Variants in FRMD3 observed in about 807,000 individuals in gnomAD.
FRMD3 encodes FERM domain-containing protein 3.
FRMD3 carries 33 observed loss-of-function variants against 70.2 expected under a neutral mutation model. The observed-to-expected ratio is 0.47, with a 90% CI of 0.36 to 0.63. FRMD3 has a LOEUF of 0.63. Ranked by LOEUF, FRMD3 falls within the 20% of genes least tolerant of loss-of-function variation. The probability of loss-of-function intolerance (pLI) is 0.00; values close to 1 mark genes in which losing one functional copy is unlikely to be tolerated. For missense variants in FRMD3, 632 were observed against 711.4 expected (o/e 0.89, Z 1.27); for synonymous variants, 279 against 255.9 (o/e 1.09, Z -0.86).
At chr9:83,436,744 T>C (rs1161561949) in intron 1 of FRMD3, among the ~76,000 whole-genome samples, 2 of 150,480 alleles carry the variant, frequency 1.3e-5, no homozygotes, top group East Asian at 3.9e-4. Flanking sequence ...TATACATTTT[T>C]ACTCTGTGGC....
Position 83,244,816 on chromosome 9 carries a change from T to C in FRMD3, c.*3102A>G. On this transcript the variant is annotated 3_prime_UTR_variant, in exon 14 of 14. Transcript: ENST00000304195. ...TCACCCCGAGTTGTGTTTATAAATATTAGACAAACCACAAAATATATTCCA... is the reference window on the plus strand; with the variant it reads ...TCACCCCGAGTTGTGTTTATAAATACTAGACAAACCACAAAATATATTCCA... The C allele has an allele frequency of 1.0e-6, 1 of 985,130 alleles. No individual in the cohort carries two copies. The highest frequency in any genetic ancestry group is 1.7e-5 in the African/African-American group (1 of 57,348). 61.0% of individuals were successfully genotyped at this position (985,130 alleles called of 1,614,324 possible). A position where few individuals can be genotyped will look rare whatever the true frequency, so the allele number is the denominator to read the frequency against.
At chr9:83,496,357 C>T (rs1006964224) in intron 1 of FRMD3, among the ~76,000 whole-genome samples, 1 of 152,132 alleles carries the variant, frequency 6.6e-6, no homozygotes, top group African/African-American at 2.4e-5. Flanking sequence ...TCATCAAGGA[C>T]ACTAGCTGGT....
At chr9:83,383,407 A>G (rs779902358) in intron 2 of FRMD3, among the ~76,000 whole-genome samples, 1 of 152,244 alleles carries the variant, frequency 6.6e-6, no homozygotes, top group Non-Finnish European at 1.5e-5. Flanking sequence ...ACAGACAACT[A>G]CTACTGAACC....
intron 1 of FRMD3, among the ~76,000 whole-genome samples, chr9:83,508,923 C>T (rs1434141947): frequency 2.0e-5 from 3 of 152,082 alleles, no homozygotes; most frequent in Non-Finnish European, 2.9e-5. Context: ...CTTGCCAACC[C>T]CTGCTCCAAT....
chr9:83,332,679 C>A (rs148578226), intron 6 of FRMD3, among the ~76,000 whole-genome samples: 33 of 152,270 alleles, frequency 2.2e-4, no homozygotes, highest in African/African-American at 7.7e-4. Flanking sequence ...ATTTGAGCAC[C>A]TGTTGTGTTT....
At chr9:83,513,032 C>T (rs1030250460) in intron 1 of FRMD3, among the ~76,000 whole-genome samples, 4 of 152,148 alleles carry the variant, frequency 2.6e-5, no homozygotes, top group Non-Finnish European at 5.9e-5. Flanking sequence ...AACCATCTGT[C>T]GCAAATACAA....
chr9:83,479,740 A>C (rs1587450261), intron 1 of FRMD3, among the ~76,000 whole-genome samples: 1 of 14,298 alleles, frequency 7.0e-5, no homozygotes, highest in Admixed American at 5.4e-4. Context: ...GGAAAGAAAG[A>C]AAAAGAAAAG....
chr9:83,490,824 A>ACC (rs1217731851), intron 1 of FRMD3, among the ~76,000 whole-genome samples: 2 of 149,928 alleles, frequency 1.3e-5, no homozygotes, highest in Non-Finnish European at 3.0e-5. Context: ...ACACACACAC[A>ACC]CACACCATTC....
chr9:83,507,728 A>ATG (rs1461153278), intron 1 of FRMD3, among the ~76,000 whole-genome samples: 1 of 110,778 alleles, frequency 9.0e-6, no homozygotes, highest in Non-Finnish European at 1.9e-5. Context: ...ATATATATAT[A>ATG]TATATATATA....
intron 6 of FRMD3, among the ~76,000 whole-genome samples, chr9:83,335,308 C>T (rs758711551): frequency 1.3e-5 from 2 of 152,274 alleles, no homozygotes; most frequent in Non-Finnish European, 2.9e-5. Flanking sequence ...CATAAACAGC[C>T]ACTCATAGGA....
At position 83,533,432 on chromosome 9, in the gene FRMD3, A is replaced by G. The variant is rs182962478; in HGVS notation, c.147+4653T>C. Among the ~76,000 whole-genome samples the G allele has an allele frequency of 1.3e-3, 191 of 152,360 alleles. 1 individual carries two copies. The highest frequency in any genetic ancestry group is 2.1e-3 in the Non-Finnish European group (141 of 68,032). On this transcript the variant is annotated intron_variant, in intron 1 of 13. Coordinates refer to ENST00000304195, the MANE Select transcript of FRMD3 (RefSeq NM_174938.6). ...TAAAACCACAGACTTTTTAAACTGT[A>G]GCATCCATCTAACCAAATTCTTTTG...
Position 83,244,673 on chromosome 9 carries a change from A to G in FRMD3, c.*3245T>C. The G allele has an allele frequency of 1.0e-6, 1 of 985,184 alleles. No homozygotes were observed. The highest frequency in any genetic ancestry group is 1.2e-6 in the Non-Finnish European group (1 of 829,704). The allele number at this position is 985,184 out of a possible 1,614,324, so 61.0% of individuals were successfully genotyped here. A position where few individuals can be genotyped will look rare whatever the true frequency, so the allele number is the denominator to read the frequency against. On this transcript the variant is annotated 3_prime_UTR_variant, in exon 14 of 14. Transcript: ENST00000304195. Reference sequence around the variant, plus strand: ...GATTCCTGCCACCATATTAACATATAAAACAATCTGGATGTTGACATAGAA... The same window carrying G: ...GATTCCTGCCACCATATTAACATATGAAACAATCTGGATGTTGACATAGAA...
chr9:83,317,435 C>T (rs1308633399), intron 6 of FRMD3, among the ~76,000 whole-genome samples: 6 of 152,088 alleles, frequency 3.9e-5, no homozygotes, highest in Admixed American at 3.9e-4. Flanking sequence ...CGGGGTGATC[C>T]TCCCAGTTTA....
Position 83,537,076 on chromosome 9 carries a change from G to T in FRMD3, c.147+1009C>A, listed in dbSNP as rs1177885426. Reference sequence around the variant, plus strand: ...GCTGAGCCCTGACACAACCTTTCCTGATTGTGTGCGCACCGAGTGGGGCAT... The same window carrying T: ...GCTGAGCCCTGACACAACCTTTCCTTATTGTGTGCGCACCGAGTGGGGCAT... On this transcript the variant is annotated intron_variant, in intron 1 of 13. Transcript: ENST00000304195. The surrounding 1 kb of genome is among the most constrained non-coding windows in gnomAD (Gnocchi z 4.1). Among the ~76,000 whole-genome samples, 3 of 152,040 alleles carry T rather than the reference G, an allele frequency of 2.0e-5. No homozygotes were observed. The highest frequency in any genetic ancestry group is 7.3e-5 in the African/African-American group (3 of 41,372).
chr9:83,398,776 C>T (rs974582662), intron 1 of FRMD3, among the ~76,000 whole-genome samples: 4 of 152,074 alleles, frequency 2.6e-5, no homozygotes, highest in East Asian at 1.9e-4. Flanking sequence ...TTATTAAAGG[C>T]GTTTTTGTGC....
intron 1 of FRMD3, among the ~76,000 whole-genome samples, chr9:83,522,483 A>C (rs1031654999): frequency 1.3e-5 from 2 of 152,020 alleles, no homozygotes; most frequent in Admixed American, 6.6e-5. Context: ...TAACATGGTA[A>C]ATTCTGTTAC....
intron 1 of FRMD3, among the ~76,000 whole-genome samples, chr9:83,507,034 C>T (rs1829196802): frequency 6.6e-6 from 1 of 152,136 alleles, no homozygotes; most frequent in Non-Finnish European, 1.5e-5. Context: ...CCTTCAGAGG[C>T]AATAACACGC....
chr9:83,414,195 GA>G, intron 1 of FRMD3, among the ~76,000 whole-genome samples: 1 of 152,238 alleles, frequency 6.6e-6, no homozygotes, highest in African/African-American at 2.4e-5. Context: ...CTGGGTGATG[GA>G]AATGTTCTAA....
intron 12 of FRMD3, among the ~76,000 whole-genome samples, chr9:83,298,304 A>G (rs916062294): frequency 4.6e-5 from 7 of 152,226 alleles, no homozygotes; most frequent in African/African-American, 1.7e-4. Flanking sequence ...TTGAGCCAAC[A>G]ATGACTAAGT....
Sources: allele counts gnomAD v4.1 joint callset (sites outside exome capture counted in the v4.1 genomes callset), GRCh38; gene constraint gnomAD v4.1.1; non-coding constraint Gnocchi (gnomAD v3.1); transcripts MANE v1.5; gene names NCBI Gene and HGNC (gene_info 2026-07-23, HGNC 2026-07-21).